The following ADAMTSL1 variants were observed in gnomAD, a reference collection of about 807,000 sequenced individuals.
The protein encoded by ADAMTSL1 is ADAMTS-like protein 1.
In ADAMTSL1, 126 loss-of-function variants were observed where a neutral mutation model predicts 201.8. That is an observed-to-expected ratio of 0.62 (90% confidence interval 0.54 to 0.72). The LOEUF (loss-of-function observed/expected upper bound fraction) is 0.72. ADAMTSL1 is among the 30% of genes least tolerant of loss of function. The pLI, the probability that ADAMTSL1 is intolerant of heterozygous loss-of-function variation, is 0.00. For synonymous variants in ADAMTSL1, 1,121 were observed against 903.4 expected (o/e 1.24, Z -4.32); for missense variants, 2,679 against 2,277.8 (o/e 1.18, Z -3.59).
At chr9:18,247,932 G>A (rs1179857018) in intron 2 of ADAMTSL1, among the ~76,000 whole-genome samples, 1 of 152,022 alleles carries the variant, frequency 6.6e-6, no homozygotes, top group Non-Finnish European at 1.5e-5. Context: ...GCTTTGTGCA[G>A]AAGATGGCTT....
rs1000297410 is a variant in ADAMTSL1 at position 18,297,369 on chromosome 9, C to CT, written c.207+133400dup. Among the ~76,000 whole-genome samples, 119 of 143,758 alleles carry CT rather than the reference C, an allele frequency of 8.3e-4. 1 individual carries two copies. Among genetic ancestry groups the CT allele is most frequent in the Middle Eastern group, 3.6e-3 (1 of 276 alleles). The allele number at this position is 143,758 out of a possible 152,430, so 94.3% of individuals were successfully genotyped here. ...CTAACTTTTTTCTTTTTTTCTTTTTCTTTTTTTTTTTTAAGTCCTGAAAAT... is the reference window on the plus strand; with the variant it reads ...CTAACTTTTTTCTTTTTTTCTTTTTCTTTTTTTTTTTTTAAGTCCTGAAAAT... On this transcript the variant is annotated intron_variant, in intron 2 of 29. Coordinates refer to the ADAMTSL1 transcript ENST00000680146.
intron 23 of ADAMTSL1, among the ~76,000 whole-genome samples, chr9:18,856,658 G>A (rs550250124): frequency 5.9e-5 from 9 of 151,798 alleles, no homozygotes; most frequent in Admixed American, 2.0e-4. Context: ...GGGTTTCATC[G>A]TGTTGGCCAA....
At chr9:18,177,202 A>G (rs530280828) in intron 2 of ADAMTSL1, among the ~76,000 whole-genome samples, 1 of 152,310 alleles carries the variant, frequency 6.6e-6, no homozygotes, top group South Asian at 2.1e-4. Flanking sequence ...TTTATGTATT[A>G]CATATGCCCC....
intron 3 of ADAMTSL1, among the ~76,000 whole-genome samples, chr9:18,549,860 G>A (rs752077453): frequency 8.6e-5 from 13 of 151,898 alleles, no homozygotes; most frequent in Admixed American, 6.6e-4. Flanking sequence ...CAGCATCAAC[G>A]TCAGCCTGGT....
At chr9:18,608,385 A>G (rs2132586347) in intron 4 of ADAMTSL1, among the ~76,000 whole-genome samples, 1 of 152,338 alleles carries the variant, frequency 6.6e-6, no homozygotes, top group South Asian at 2.1e-4. Context: ...TTTGGAATTT[A>G]TAGTTTCAGC....
intron 15 of ADAMTSL1, among the ~76,000 whole-genome samples, chr9:18,740,629 A>C (rs1356122704): frequency 6.6e-6 from 1 of 151,036 alleles, no homozygotes; most frequent in African/African-American, 2.4e-5. Flanking sequence ...GGCACACAAC[A>C]CCAAGCCCAG....
At chr9:18,572,168 C>T (rs116212725) in intron 3 of ADAMTSL1, among the ~76,000 whole-genome samples, 4 of 149,860 alleles carry the variant, frequency 2.7e-5, no homozygotes, top group African/African-American at 4.9e-5. Context: ...ACACTCCACC[C>T]GGGGAGACAG....
At chr9:18,605,309 C>T (rs1471465526) in intron 4 of ADAMTSL1, among the ~76,000 whole-genome samples, 1 of 152,154 alleles carries the variant, frequency 6.6e-6, no homozygotes, top group East Asian at 1.9e-4. Flanking sequence ...TCCACATCTG[C>T]AATTTAAATG....
At chr9:18,865,480 G>T (rs1827471784) in intron 23 of ADAMTSL1, among the ~76,000 whole-genome samples, 1 of 152,190 alleles carries the variant, frequency 6.6e-6, no homozygotes, top group Admixed American at 6.5e-5. Context: ...TTGCTATTGT[G>T]AATAGTGCCT....
intron 1 of ADAMTSL1, among the ~76,000 whole-genome samples, chr9:18,140,268 G>T (rs1298450487): frequency 1.3e-5 from 2 of 152,088 alleles, no homozygotes; most frequent in African/African-American, 4.8e-5. Flanking sequence ...TATCCTCTTT[G>T]CTGATGGCCC....
intron 2 of ADAMTSL1, among the ~76,000 whole-genome samples, chr9:18,523,895 G>A (rs199991496): frequency 2.6e-4 from 32 of 124,480 alleles, no homozygotes; most frequent in African/African-American, 6.8e-4. Flanking sequence ...AGCTTTGTTC[G>A]TTTGGCTTAG....
At chr9:18,667,384 C>A (rs1406688447) in intron 9 of ADAMTSL1, among the ~76,000 whole-genome samples, 1 of 152,042 alleles carries the variant, frequency 6.6e-6, no homozygotes, top group Non-Finnish European at 1.5e-5. Flanking sequence ...GATTCTCACA[C>A]CAACTTGGTG....
At chr9:17,980,646 A>T (rs1261132482) in intron 1 of ADAMTSL1, among the ~76,000 whole-genome samples, 2 of 152,108 alleles carry the variant, frequency 1.3e-5, no homozygotes, top group Non-Finnish European at 2.9e-5. Flanking sequence ...TCATGAGGGT[A>T]GAGCCTTCAG....
chr9:17,947,638 C>T (rs1588461518), intron 1 of ADAMTSL1, among the ~76,000 whole-genome samples: 1 of 152,058 alleles, frequency 6.6e-6, no homozygotes, highest in East Asian at 1.9e-4. Flanking sequence ...TTAGTCTAGT[C>T]TAGAGAGTGA....
chr9:18,697,029 G>A (rs965546789), intron 13 of ADAMTSL1, among the ~76,000 whole-genome samples: 3 of 151,514 alleles, frequency 2.0e-5, no homozygotes, highest in African/African-American at 4.8e-5. Flanking sequence ...ACAGGTGTGT[G>A]CCGCCACACC....
At chr9:18,246,861 C>T (rs1831273970) in intron 2 of ADAMTSL1, among the ~76,000 whole-genome samples, 1 of 152,030 alleles carries the variant, frequency 6.6e-6, no homozygotes, top group Non-Finnish European at 1.5e-5. Context: ...TTTCAGTAGG[C>T]CCAATGTAAT....
intron 2 of ADAMTSL1, among the ~76,000 whole-genome samples, chr9:18,368,122 C>A (rs1836861515): frequency 6.6e-6 from 1 of 150,972 alleles, no homozygotes; most frequent in African/African-American, 2.4e-5. Flanking sequence ...TCGCCGTTTT[C>A]GCCAGGATGG....
At chr9:18,186,712 C>G (rs1456835400) in intron 2 of ADAMTSL1, among the ~76,000 whole-genome samples, 1 of 152,032 alleles carries the variant, frequency 6.6e-6, no homozygotes, top group Non-Finnish European at 1.5e-5. Context: ...TTTGGAATTG[C>G]ATTTCACATT....
At chr9:18,890,362 G>A (rs1251924233) in intron 25 of ADAMTSL1, among the ~76,000 whole-genome samples, 1 of 152,176 alleles carries the variant, frequency 6.6e-6, no homozygotes, top group Non-Finnish European at 1.5e-5. Flanking sequence ...TGCTTCAAGA[G>A]GCTATGAGTC....
Sources: gnomAD v4.1 joint callset for allele counts (sites outside exome capture counted in the v4.1 genomes callset) on GRCh38, gnomAD v4.1.1 for gene constraint, MANE v1.5 for transcripts, NCBI Gene and HGNC (gene_info 2026-07-23, HGNC 2026-07-21) for gene names.